CTNNA3: variants seen among roughly 807,000 people sequenced by gnomAD.
The protein encoded by CTNNA3 is catenin alpha-3.
In CTNNA3, 76 loss-of-function variants were observed where a neutral mutation model predicts 95.7. That is an observed-to-expected ratio of 0.79 (90% CI 0.66 to 0.96). The LOEUF is 0.96. CTNNA3 is among the 40% of genes least tolerant of loss of function. The probability of loss-of-function intolerance (pLI) is 0.00; values close to 1 mark genes in which losing one functional copy is unlikely to be tolerated. For synonymous variants in CTNNA3, 431 were observed against 374.4 expected (o/e 1.15, Z -1.74); for missense variants, 1,191 against 1,089.8 (o/e 1.09, Z -1.31).
chr10:66,879,795 G>A (rs947494341), intron 7 of CTNNA3, among the ~76,000 whole-genome samples: 1 of 152,074 alleles, frequency 6.6e-6, no homozygotes, highest in Admixed American at 6.6e-5. Context: ...CCTGGGCAAC[G>A]CATGTTTAGA....
chr10:66,201,095 G>A (rs1160057333), intron 13 of CTNNA3, among the ~76,000 whole-genome samples: 2 of 152,092 alleles, frequency 1.3e-5, no homozygotes, highest in African/African-American at 4.8e-5. Context: ...AAACTTATGT[G>A]ATTTTAATCC....
At chr10:66,682,430 C>T (rs965685576) in intron 9 of CTNNA3, among the ~76,000 whole-genome samples, 2 of 151,936 alleles carry the variant, frequency 1.3e-5, no homozygotes, top group Non-Finnish European at 2.9e-5. Context: ...TCAAAACTGA[C>T]CTGGATGGCT....
chr10:67,400,381 A>C (rs1366087310), intron 5 of CTNNA3, among the ~76,000 whole-genome samples: 1 of 152,254 alleles, frequency 6.6e-6, no homozygotes, highest in Non-Finnish European at 1.5e-5. Flanking sequence ...TTATGAAATA[A>C]GAAATAAGCT....
intron 10 of CTNNA3, among the ~76,000 whole-genome samples, chr10:66,606,256 C>T (rs12248171): frequency 0.17 from 25,499 of 151,990 alleles, 2,325 homozygotes; most frequent in East Asian, 0.23. Context: ...AACACAGAGG[C>T]GTCCAGATTC....
chr10:67,660,176 C>T (rs1840138648), intron 1 of CTNNA3, among the ~76,000 whole-genome samples: 1 of 152,116 alleles, frequency 6.6e-6, no homozygotes. Flanking sequence ...CATCCAAGTT[C>T]ATTATTTATC....
At chr10:66,115,600 G>GATAGAC (rs2082311124) in intron 13 of CTNNA3, among the ~76,000 whole-genome samples, 1 of 148,150 alleles carries the variant, frequency 6.7e-6, no homozygotes. Context: ...TAGAGATAGA[G>GATAGAC]ATAGAGATAG....
rs79956370 is a variant in CTNNA3 at position 66,669,589 on chromosome 10, A to G, written c.1282-47805T>C. 4.8e-4 allele frequency among the ~76,000 whole-genome samples: 73 copies of G among 152,226 alleles called. 1 individual carries two copies. The East Asian group carries it at 0.012, about 26-fold the overall frequency. ...GAAATCTAAAGTTAAAAAATAATCT[A>G]AAGTTTCCATTTTGCCATTCAACTG... On this transcript the variant is annotated intron_variant, in intron 9 of 17. Coordinates refer to ENST00000433211, the MANE Select transcript of CTNNA3 (RefSeq NM_013266.4).
intron 5 of CTNNA3, among the ~76,000 whole-genome samples, chr10:67,296,099 C>T (rs1186912945): frequency 6.6e-6 from 1 of 152,108 alleles, no homozygotes; most frequent in Non-Finnish European, 1.5e-5. Flanking sequence ...TAAGCAATGA[C>T]CCTGTAAGAT....
Position 67,678,732 on chromosome 10 carries a change from A to C in CTNNA3, c.-6+17268T>G, listed in dbSNP as rs146843167. Among the ~76,000 whole-genome samples the C allele has an allele frequency of 6.0e-4, 91 of 152,340 alleles. 2 individuals are homozygous for C. Among genetic ancestry groups the C allele is most frequent in the African/African-American group, 2.1e-3 (86 of 41,582 alleles). On this transcript the variant is annotated intron_variant, in intron 1 of 17. Transcript: ENST00000433211. ...CTTAAGCCATTACTACATCACACAGATGGTATACAAGGAGCCTTCTAAAGA... is the reference window on the plus strand; with the variant it reads ...CTTAAGCCATTACTACATCACACAGCTGGTATACAAGGAGCCTTCTAAAGA...
intron 13 of CTNNA3, among the ~76,000 whole-genome samples, chr10:66,150,464 T>TA (rs1039355670): frequency 1.3e-5 from 2 of 152,002 alleles, no homozygotes; most frequent in Non-Finnish European, 2.9e-5. Context: ...TATGGTCTTT[T>TA]AAAAAAATAG....
At chr10:66,848,812 T>C (rs1843373079) in intron 7 of CTNNA3, among the ~76,000 whole-genome samples, 1 of 152,162 alleles carries the variant, frequency 6.6e-6, no homozygotes, top group African/African-American at 2.4e-5. Flanking sequence ...TATGCTGCAA[T>C]ATTAATTCTG....
At chr10:67,423,359 A>C (rs867280946) in intron 5 of CTNNA3, among the ~76,000 whole-genome samples, 12 of 152,294 alleles carry the variant, frequency 7.9e-5, no homozygotes, top group South Asian at 4.1e-4. Flanking sequence ...AGAGCCAATA[A>C]GAATGTTTAG....
rs548527919 is a variant in CTNNA3 at position 67,168,766 on chromosome 10, A to G, written c.1047+11551T>C. Among the ~76,000 whole-genome samples, 210 of 152,312 alleles carry G rather than the reference A, an allele frequency of 1.4e-3. 1 individual carries two copies. The highest frequency in any genetic ancestry group is 4.7e-3 in the African/African-American group (196 of 41,588). ...TGCCACTTCTATTCAACATCATATT[A>G]GAAGTCTAAGCCAAAGCAATCACGC... On this transcript the variant is annotated intron_variant, in intron 7 of 17. Coordinates refer to ENST00000433211, the MANE Select transcript of CTNNA3 (RefSeq NM_013266.4).
At chr10:66,753,932 T>C (rs1839265973) in intron 9 of CTNNA3, among the ~76,000 whole-genome samples, 1 of 151,992 alleles carries the variant, frequency 6.6e-6, no homozygotes, top group African/African-American at 2.4e-5. Context: ...TCAGAAGACA[T>C]AATATTGTTA....
intron 7 of CTNNA3, among the ~76,000 whole-genome samples, chr10:67,081,369 C>T (rs1857049735): frequency 1.3e-5 from 2 of 152,178 alleles, no homozygotes; most frequent in Non-Finnish European, 2.9e-5. Context: ...ACAATCATCT[C>T]TTTCACTTAT....
At chr10:67,124,009 C>T (rs1859591753) in intron 7 of CTNNA3, among the ~76,000 whole-genome samples, 1 of 152,120 alleles carries the variant, frequency 6.6e-6, no homozygotes, top group South Asian at 2.1e-4. Context: ...TCAGACTAGC[C>T]TCACCTGAAA....
chr10:67,412,983 C>T (rs1845420060), intron 5 of CTNNA3, among the ~76,000 whole-genome samples: 1 of 152,078 alleles, frequency 6.6e-6, no homozygotes, highest in Admixed American at 6.6e-5. Flanking sequence ...GAATCAAAAT[C>T]ACATATATCA....
chr10:66,947,264 G>T (rs1270094380), intron 7 of CTNNA3, among the ~76,000 whole-genome samples: 1 of 152,114 alleles, frequency 6.6e-6, no homozygotes, highest in Admixed American at 6.6e-5. Context: ...ACTCTCTAAT[G>T]GGGTATCTTG....
At chr10:67,176,563 T>C (rs1564944345) in intron 7 of CTNNA3, among the ~76,000 whole-genome samples, 2 of 152,190 alleles carry the variant, frequency 1.3e-5, no homozygotes, top group African/African-American at 4.8e-5. Flanking sequence ...AGTATTGATA[T>C]AATGTTGTGA....
Sources: allele counts gnomAD v4.1 joint callset (sites outside exome capture counted in the v4.1 genomes callset), GRCh38; gene constraint gnomAD v4.1.1; transcripts MANE v1.5; gene names NCBI Gene and HGNC (gene_info 2026-07-23, HGNC 2026-07-21).